Variants in HDAC9 observed in about 807,000 individuals in gnomAD.
HDAC9 encodes the protein MEF-2 interacting transcription repressor (MITR) protein.
Under a neutral mutation model 139.4 loss-of-function variants are expected in HDAC9, and 41 were observed. The observed-to-expected ratio is 0.29, with a 90% CI of 0.23 to 0.38. The LOEUF (loss-of-function observed/expected upper bound fraction) is 0.38, where lower values mean the gene tolerates loss of function less well. HDAC9 is among the 10% of genes least tolerant of loss of function. The pLI, the probability that HDAC9 is intolerant of heterozygous loss-of-function variation, is 1.00. For synonymous variants in HDAC9, 517 were observed against 476.2 expected, an observed-to-expected ratio of 1.09 and a Z score of -1.12; for missense variants, 1,147 against 1,297.0, an observed-to-expected ratio of 0.88 and a Z score of 1.78.
intron 1 of HDAC9, among the ~76,000 whole-genome samples, chr7:18,453,466 A>G (rs1793068267): frequency 6.6e-6 from 1 of 152,168 alleles, no homozygotes; most frequent in Non-Finnish European, 1.5e-5. Context: ...TTAAATTCAC[A>G]GTATTCACAG....
intron 1 of HDAC9, among the ~76,000 whole-genome samples, chr7:18,102,194 G>C (rs755195530): frequency 6.6e-6 from 1 of 152,156 alleles, no homozygotes; most frequent in African/African-American, 2.4e-5. Flanking sequence ...GTTACTTCAA[G>C]AGTTTTCTGG....
intron 2 of HDAC9, among the ~76,000 whole-genome samples, chr7:18,179,715 G>T (rs533242833): frequency 6.6e-6 from 1 of 152,060 alleles, no homozygotes; most frequent in Non-Finnish European, 1.5e-5. Context: ...AAAAGCCCAA[G>T]GACTTAAACG....
chr7:18,226,100 A>T (rs1460513230), intron 2 of HDAC9, among the ~76,000 whole-genome samples: 2 of 152,158 alleles, frequency 1.3e-5, no homozygotes, highest in Non-Finnish European at 2.9e-5. Flanking sequence ...ACATATCTAT[A>T]CTTTAATGTA....
chr7:18,587,415 T>C (rs886381100), intron 3 of HDAC9, among the ~76,000 whole-genome samples: 4 of 152,192 alleles, frequency 2.6e-5, no homozygotes, highest in Non-Finnish European at 5.9e-5. Flanking sequence ...ATATTACTTT[T>C]TCAGATTAGG....
At chr7:18,483,024 A>T (rs573530843) in intron 1 of HDAC9, among the ~76,000 whole-genome samples, 35 of 152,348 alleles carry the variant, frequency 2.3e-4, no homozygotes, top group Non-Finnish European at 3.8e-4. Context: ...CTATATTAAG[A>T]ATTAGCAAAA....
At chr7:18,671,699 C>A (rs1487144306) in intron 12 of HDAC9, among the ~76,000 whole-genome samples, 2 of 151,928 alleles carry the variant, frequency 1.3e-5, no homozygotes. Flanking sequence ...AAAAAAAAAT[C>A]TTGTACCAAC....
chr7:18,829,994 T>G (rs1451978995), intron 19 of HDAC9, among the ~76,000 whole-genome samples: 3 of 152,192 alleles, frequency 2.0e-5, no homozygotes, highest in Non-Finnish European at 4.4e-5. Flanking sequence ...AGTCGGCATG[T>G]CACTCTTACT....
chr7:18,980,844 GAT>G (rs1784899778), intron 25 of HDAC9, among the ~76,000 whole-genome samples: 1 of 140,004 alleles, frequency 7.1e-6, no homozygotes, highest in Admixed American at 7.4e-5. Context: ...TTTTTTTTGA[GAT>G]GGAGTCTCAC....
Position 18,824,241 on chromosome 7 carries a change from G to A in HDAC9, c.2323-4920G>A, listed in dbSNP as rs374717271. On this transcript the variant is annotated intron_variant, in intron 17 of 25. Transcript: ENST00000686413. ...CCAGGGAACAAACCCTGCTGGAGCT[G>A]ATCTGGGACTTCCAGTATCCAGAAC... Among the ~76,000 whole-genome samples the A allele has an allele frequency of 1.0e-3, 152 of 152,256 alleles. 1 individual carries two copies. Among genetic ancestry groups the A allele is most frequent in the African/African-American group, 3.4e-3 (140 of 41,550 alleles).
At chr7:18,579,722 A>G (rs1827171983) in intron 2 of HDAC9, among the ~76,000 whole-genome samples, 1 of 152,116 alleles carries the variant, frequency 6.6e-6, no homozygotes, top group African/African-American at 2.4e-5. Flanking sequence ...TTTTTATAGC[A>G]CCTTTTTCAG....
At chr7:18,652,670 C>A (rs1278478333) in intron 11 of HDAC9, among the ~76,000 whole-genome samples, 1 of 152,040 alleles carries the variant, frequency 6.6e-6, no homozygotes, top group Non-Finnish European at 1.5e-5. Context: ...TGCACTGATT[C>A]ATGCCTAGCA....
At chr7:18,411,232 A>G (rs1435518417) in intron 1 of HDAC9, among the ~76,000 whole-genome samples, 2 of 152,188 alleles carry the variant, frequency 1.3e-5, no homozygotes, top group East Asian at 3.8e-4. Context: ...ATAGTCCCCG[A>G]TGTTTGATGG....
intron 2 of HDAC9, among the ~76,000 whole-genome samples, chr7:18,186,752 C>T (rs1188900815): frequency 7.9e-5 from 12 of 152,138 alleles, no homozygotes; most frequent in Non-Finnish European, 1.2e-4. Flanking sequence ...GAATTCCATA[C>T]TTCAAAGGAC....
chr7:18,661,952 A>G (rs1006666955), intron 11 of HDAC9, among the ~76,000 whole-genome samples: 1 of 152,114 alleles, frequency 6.6e-6, no homozygotes, highest in Admixed American at 6.6e-5. Context: ...TGGACTGAAC[A>G]ATGTGATTTC....
intron 12 of HDAC9, among the ~76,000 whole-genome samples, chr7:18,692,496 A>G (rs1241196293): frequency 1.3e-5 from 2 of 152,148 alleles, no homozygotes; most frequent in African/African-American, 2.4e-5. Flanking sequence ...GACTTTAGGT[A>G]ACAAAACTGA....
intron 1 of HDAC9, among the ~76,000 whole-genome samples, chr7:18,307,658 C>T (rs191160409): frequency 1.6e-4 from 25 of 152,096 alleles, no homozygotes; most frequent in African/African-American, 5.8e-4. Flanking sequence ...CAAAAATTAG[C>T]CAGGTATGGT....
At chr7:18,381,024 C>G in intron 1 of HDAC9, among the ~76,000 whole-genome samples, 1 of 150,964 alleles carries the variant, frequency 6.6e-6, no homozygotes, top group Non-Finnish European at 1.5e-5. Context: ...ATGGAGAAAC[C>G]CCATGTTTAC....
rs1562922703 is a variant in HDAC9 at position 18,762,223 on chromosome 7, T to C, written c.2110T>C (p.Leu704=). 2.5e-6 allele frequency: 4 copies of C among 1,613,686 alleles called. No homozygotes were observed. The highest frequency in any genetic ancestry group is 3.4e-6 in the Non-Finnish European group (4 of 1,179,718). Residue 704 remains leucine (L), a synonymous_variant, in exon 15 of 26, where the codon TTG becomes CTG. Transcript: ENST00000686413. ...QLVHSEHHSL[L]YGTNPLDGQK... The stretch of plus-strand genomic sequence containing the variant: ...TGTTCATTCTGAACATCACTCACTG[T>C]TGTATGGCACCAACCCCCTGGACGG...
chr7:18,723,953 A>C (rs1267654850), intron 12 of HDAC9, among the ~76,000 whole-genome samples: 10 of 152,192 alleles, frequency 6.6e-5, no homozygotes, highest in Admixed American at 6.5e-4. Context: ...AAAATAAGTT[A>C]AAAGATGAGT....
Sources: gnomAD v4.1 joint callset for allele counts (sites outside exome capture counted in the v4.1 genomes callset) on GRCh38, gnomAD v4.1.1 for gene constraint, MANE v1.5 for transcripts, NCBI Gene and HGNC (gene_info 2026-07-23, HGNC 2026-07-21) for gene names.